The following ZNF804B variants were observed in gnomAD, a reference collection of about 807,000 sequenced individuals.
ZNF804B encodes the protein zinc finger 804B.
ZNF804B carries 80 observed loss-of-function variants against 101.4 expected under a neutral mutation model. The ratio of observed to expected loss-of-function variants is 0.79; its 90% confidence interval spans 0.66 to 0.95. The LOEUF (loss-of-function observed/expected upper bound fraction) is 0.95. ZNF804B is among the 40% of genes least tolerant of loss of function. The probability of loss-of-function intolerance (pLI) is 0.00; values close to 1 mark genes in which losing one functional copy is unlikely to be tolerated. For missense variants in ZNF804B, 1,673 were observed against 1,561.9 expected (o/e 1.07, Z -1.20); for synonymous variants, 622 against 558.8 (o/e 1.11, Z -1.59).
At position 89,334,320 on chromosome 7, in the gene ZNF804B, T is replaced by A; in HGVS notation, c.1338T>A (p.Val446=). The change falls in exon 4 of 4, where the codon GTT becomes GTA. Residue 446 remains valine, a synonymous_variant. Coordinates refer to ENST00000333190, the MANE Select transcript of ZNF804B (RefSeq NM_181646.5). ...VASKPLPFLH[V]QSKDGHTTLQ... is the part of the protein sequence containing the mutation. The stretch of plus-strand genomic sequence containing the variant: ...CTAAACCACTACCTTTTCTCCACGT[T>A]CAAAGCAAGGATGGCCACACCACTC... 2 of 1,613,818 alleles carry A rather than the reference T, an allele frequency of 1.2e-6. No homozygotes were observed. The highest frequency in any genetic ancestry group is 1.7e-6 in the Non-Finnish European group (2 of 1,179,852).
chr7:88,775,990 C>A (rs1169090766), intron 1 of ZNF804B, among the ~76,000 whole-genome samples: 1 of 152,158 alleles, frequency 6.6e-6, no homozygotes, highest in African/African-American at 2.4e-5. Context: ...GAGGTGCTTA[C>A]AGGTATTGAT....
intron 3 of ZNF804B, among the ~76,000 whole-genome samples, chr7:89,328,224 T>A (rs1483777463): frequency 1.3e-5 from 2 of 151,892 alleles, no homozygotes; most frequent in African/African-American, 4.8e-5. Flanking sequence ...TAATATATAA[T>A]AAACAGGAGT....
intron 1 of ZNF804B, among the ~76,000 whole-genome samples, chr7:89,018,763 G>T (rs1788612010): frequency 6.6e-6 from 1 of 151,822 alleles, no homozygotes; most frequent in African/African-American, 2.4e-5. Context: ...TTTTTCTCTA[G>T]GTTGTTCAAT....
intron 1 of ZNF804B, among the ~76,000 whole-genome samples, chr7:89,008,355 T>C (rs1788401021): frequency 6.6e-6 from 1 of 152,166 alleles, no homozygotes; most frequent in Admixed American, 6.5e-5. Context: ...AAAAACAGAC[T>C]ATCCTCAGTA....
chr7:89,063,523 C>A (rs1789407400), intron 1 of ZNF804B, among the ~76,000 whole-genome samples: 1 of 152,010 alleles, frequency 6.6e-6, no homozygotes, highest in Non-Finnish European at 1.5e-5. Flanking sequence ...TCATGCCATT[C>A]AGTTAATTAT....
At chr7:88,827,119 G>A (rs1353078780) in intron 1 of ZNF804B, among the ~76,000 whole-genome samples, 2 of 151,850 alleles carry the variant, frequency 1.3e-5, no homozygotes, top group Non-Finnish European at 2.9e-5. Flanking sequence ...AAATAAATTT[G>A]GGAAACACTA....
At chr7:88,986,823 T>C (rs891191821) in intron 1 of ZNF804B, among the ~76,000 whole-genome samples, 4 of 152,092 alleles carry the variant, frequency 2.6e-5, no homozygotes, top group African/African-American at 9.7e-5. Flanking sequence ...GCCTCTTCCA[T>C]CCTACAAAAG....
Position 89,289,948 on chromosome 7 carries a change from A to C in ZNF804B, c.250-37396A>C, listed in dbSNP as rs543798423. Among the ~76,000 whole-genome samples the C allele has an allele frequency of 2.6e-5, 4 of 152,194 alleles. No homozygotes were observed. In the South Asian group the frequency reaches 8.3e-4, roughly 32 times the overall value. On this transcript the variant is annotated intron_variant, in intron 2 of 3. Coordinates refer to ENST00000333190, the MANE Select transcript of ZNF804B (RefSeq NM_181646.5). ...AGCACAGCTTGTGGATCCAAGAGAG[A>C]TTTCTTCCTTTCACTTGAGGAAGGG...
At chr7:88,969,731 G>A (rs999698443) in intron 1 of ZNF804B, among the ~76,000 whole-genome samples, 14 of 151,522 alleles carry the variant, frequency 9.2e-5, no homozygotes, top group African/African-American at 3.4e-4. Context: ...AAAATTATTT[G>A]CTATATACAT....
In ZNF804B at chr7:89,071,781, TAC is replaced by T. The variant is rs36061852; in HGVS notation, c.109-146352_109-146351del. 4.1e-3 allele frequency among the ~76,000 whole-genome samples: 600 copies of T among 147,368 alleles called. 1 individual carries two copies. Among genetic ancestry groups the T allele is most frequent in the African/African-American group, 5.4e-3 (211 of 39,012 alleles). On this transcript the variant is annotated intron_variant, in intron 1 of 3. Coordinates refer to ENST00000333190, the MANE Select transcript of ZNF804B (RefSeq NM_181646.5). ...GTAGATATTTATGCACACACAAATGTACACACACACACACACACACACATTTA... is the reference window on the plus strand; with the variant it reads ...GTAGATATTTATGCACACACAAATGTACACACACACACACACACACATTTA...
intron 1 of ZNF804B, among the ~76,000 whole-genome samples, chr7:88,975,011 A>T (rs1793596380): frequency 6.6e-6 from 1 of 151,496 alleles, no homozygotes; most frequent in South Asian, 2.1e-4. Context: ...GCTCCCCAAA[A>T]TAAGTGAGAA....
At chr7:88,970,789 A>G (rs141800693) in intron 1 of ZNF804B, among the ~76,000 whole-genome samples, 22,824 of 122,336 alleles carry the variant, frequency 0.19, 2,123 homozygotes, top group Middle Eastern at 0.28. Context: ...GGACACAGGA[A>G]GGGGAACATC....
Position 89,334,584 on chromosome 7 carries a change from G to T in ZNF804B, c.1602G>T (p.Pro534=). ...TGATCCAAGAAGATTATCAATATCC[G>T]AAACCAAAGACGATGATAGCTAATC... The part of the protein sequence containing the change: ...QKLIQEDYQY[P]KPKTMIANPD... The change falls in exon 4 of 4, where the codon CCG becomes CCT. Residue 534 remains proline (P), a synonymous_variant. Transcript: ENST00000333190. 1 of 1,613,714 alleles carries T rather than the reference G, an allele frequency of 6.2e-7. No individual in the cohort carries two copies. Among genetic ancestry groups the T allele is most frequent in the South Asian group, 1.1e-5 (1 of 91,078 alleles).
chr7:89,229,288 C>T (rs1789150713), intron 2 of ZNF804B, among the ~76,000 whole-genome samples: 1 of 152,194 alleles, frequency 6.6e-6, no homozygotes, highest in African/African-American at 2.4e-5. Flanking sequence ...GCTGTCACCT[C>T]TCAATAGTTC....
intron 1 of ZNF804B, among the ~76,000 whole-genome samples, chr7:89,190,150 G>A (rs13234884): frequency 1.4e-4 from 21 of 151,804 alleles, no homozygotes; most frequent in African/African-American, 4.6e-4. Flanking sequence ...AGCCAGGCGC[G>A]GTGACGAAAC....
intron 1 of ZNF804B, among the ~76,000 whole-genome samples, chr7:88,780,698 ACT>A (rs1295918455): frequency 6.6e-6 from 1 of 151,914 alleles, no homozygotes; most frequent in Non-Finnish European, 1.5e-5. Flanking sequence ...AATGGTAAAG[ACT>A]CTAATTGACA....
At chr7:89,232,161 C>CT (rs963638060) in intron 2 of ZNF804B, among the ~76,000 whole-genome samples, 20 of 151,660 alleles carry the variant, frequency 1.3e-4, no homozygotes, top group South Asian at 6.2e-4. Context: ...TAGCCAGATG[C>CT]TTTTTTTTGC....
intron 1 of ZNF804B, among the ~76,000 whole-genome samples, chr7:89,116,398 G>T (rs1191871461): frequency 6.6e-6 from 1 of 152,016 alleles, no homozygotes; most frequent in Non-Finnish European, 1.5e-5. Flanking sequence ...TGCATTTCCT[G>T]CTCCAAATAA....
At chr7:89,277,491 C>A (rs1584099554) in intron 2 of ZNF804B, among the ~76,000 whole-genome samples, 1 of 52,992 alleles carries the variant, frequency 1.9e-5, no homozygotes, top group East Asian at 4.2e-4. Flanking sequence ...CCCCCTCCCC[C>A]CTCCCCCCTA....
Sources: allele counts gnomAD v4.1 joint callset (sites outside exome capture counted in the v4.1 genomes callset), GRCh38; gene constraint gnomAD v4.1.1; transcripts MANE v1.5; gene names NCBI Gene and HGNC (gene_info 2026-07-23, HGNC 2026-07-21).